POLGARF: variants seen among roughly 807,000 people sequenced by gnomAD.
POLGARF encodes the protein POLG alternative reading frame.
the POLGARF span, among the ~76,000 whole-genome samples, chr15:89,332,656 C>G: frequency 6.6e-6 from 1 of 151,856 alleles, no homozygotes; most frequent in Non-Finnish European, 1.5e-5. Flanking sequence ...GCTGGGGATG[C>G]TAAATGTCCT....
chr15:89,330,369 G>A, the POLGARF span: 1 of 981,748 alleles, frequency 1.0e-6, no homozygotes, highest in Non-Finnish European at 1.6e-6. Context: ...CATGCCAGAT[G>A]GTGCATTGGC....
chr15:89,330,372 G>A, the POLGARF span: 5 of 950,066 alleles, frequency 5.3e-6, no homozygotes, highest in Admixed American at 3.9e-5. Context: ...GCCAGATGGT[G>A]CATTGGCAGC....
chr15:89,332,606 AG>A, the POLGARF span, among the ~76,000 whole-genome samples: 1 of 378 alleles, frequency 2.6e-3, no homozygotes, highest in African/African-American at 0.014. Flanking sequence ...CGGCGGGGGC[AG>A]GGGGGCGGGG....
the POLGARF span, among the ~76,000 whole-genome samples, chr15:89,331,230 T>C: frequency 6.6e-6 from 1 of 152,262 alleles, no homozygotes; most frequent in South Asian, 2.1e-4. Flanking sequence ...GTTCCTAGTT[T>C]TAAACCTGAC....
the POLGARF span, chr15:89,333,619 G>A: frequency 6.2e-7 from 1 of 1,601,374 alleles, no homozygotes; most frequent in Non-Finnish European, 8.5e-7. Context: ...TGCTGCTGCT[G>A]CTGCTGCTGC....
the POLGARF span, among the ~76,000 whole-genome samples, chr15:89,331,605 T>C: frequency 2.9e-3 from 444 of 152,358 alleles, 4 homozygotes; most frequent in Non-Finnish European, 4.1e-3. Flanking sequence ...CCGAAGCCCT[T>C]ACCAACACCC....
chr15:89,333,598 G>GCTGCTC, the POLGARF span: 1 of 1,352,650 alleles, frequency 7.4e-7, no homozygotes. Flanking sequence ...GGCTGCTGTT[G>GCTGCTC]CTGCTGCTGC....
chr15:89,333,016 C>A, the POLGARF span: 56 of 1,486,880 alleles, frequency 3.8e-5, no homozygotes, highest in African/African-American at 6.9e-4. Context: ...CGTAACAGGA[C>A]CTCAGAAAAT....
At chr15:89,333,153 A>T in the POLGARF span, 1 of 1,540,144 alleles carries the variant, frequency 6.5e-7, no homozygotes, top group Non-Finnish European at 8.7e-7. Context: ...TGCCAAGCAG[A>T]CCTCCACGTC....
chr15:89,333,043 T>G, the POLGARF span: 1 of 1,498,344 alleles, frequency 6.7e-7, no homozygotes, highest in Non-Finnish European at 8.9e-7. Context: ...TGAAACAAAC[T>G]ATTAAGCTGG....
At chr15:89,331,214 A>G in the POLGARF span, among the ~76,000 whole-genome samples, 2 of 152,228 alleles carry the variant, frequency 1.3e-5, no homozygotes, top group African/African-American at 4.8e-5. Context: ...GAGAAAGCAA[A>G]AAGAGGTTCC....
At chr15:89,331,910 G>A in the POLGARF span, among the ~76,000 whole-genome samples, 3 of 152,114 alleles carry the variant, frequency 2.0e-5, no homozygotes, top group Admixed American at 2.0e-4. Context: ...TGAGGGCAGA[G>A]CAGGGAAGGA....
chr15:89,332,173 A>T, the POLGARF span: 46 of 152,340 alleles, frequency 3.0e-4, no homozygotes, highest in Admixed American at 1.5e-3. Flanking sequence ...AACTCAATCA[A>T]TGCAGAATCA....
At chr15:89,330,676 C>G in the POLGARF span, among the ~76,000 whole-genome samples, 9 of 150,608 alleles carry the variant, frequency 6.0e-5, no homozygotes, top group African/African-American at 2.2e-4. Flanking sequence ...GTTCAAAGTA[C>G]TAGTAAAGGA....
the POLGARF span, chr15:89,330,287 T>G: frequency 1.9e-6 from 3 of 1,605,596 alleles, no homozygotes; most frequent in Admixed American, 3.3e-5. Context: ...CTGAGGGAGG[T>G]GAGAGGCAGG....
chr15:89,331,138 A>G, the POLGARF span, among the ~76,000 whole-genome samples: 1 of 116,566 alleles, frequency 8.6e-6, no homozygotes, highest in African/African-American at 4.1e-5. Context: ...TGCAACCTTT[A>G]TGGAAGGGAA....
the POLGARF span, chr15:89,333,775 C>A: frequency 2.0e-5 from 31 of 1,534,834 alleles, no homozygotes; most frequent in South Asian, 1.8e-4. Flanking sequence ...GGGACCCCCA[C>A]GCTGGGAGTC....
At chr15:89,333,019 C>G in the POLGARF span, 1 of 1,488,112 alleles carries the variant, frequency 6.7e-7, no homozygotes, top group Admixed American at 2.4e-5. Flanking sequence ...AACAGGACCT[C>G]AGAAAATGTT....
At chr15:89,333,454 G>A in the POLGARF span, 3 of 1,610,534 alleles carry the variant, frequency 1.9e-6, no homozygotes, top group Non-Finnish European at 2.5e-6. Flanking sequence ...ACGCTGCGGC[G>A]CACCGCGGCC....
Sources: gnomAD v4.1 joint callset for allele counts (sites outside exome capture counted in the v4.1 genomes callset) on GRCh38, gnomAD v4.1.1 for gene constraint, MANE v1.5 for transcripts, NCBI Gene and HGNC (gene_info 2026-07-23, HGNC 2026-07-21) for gene names.